Variants in FMN2 observed in about 807,000 individuals in gnomAD.
The protein encoded by FMN2 is formin 2.
A neutral mutation model predicts 142.3 loss-of-function variants in FMN2; 51 were observed. That is an observed-to-expected ratio of 0.36 (90% CI 0.29 to 0.45). The LOEUF (loss-of-function observed/expected upper bound fraction) is 0.45. FMN2 is among the 20% of genes least tolerant of loss of function. The pLI, the probability that FMN2 is intolerant of heterozygous loss-of-function variation, is 1.00. For missense variants in FMN2, 1,936 were observed against 2,122.8 expected, an observed-to-expected ratio of 0.91 and a Z score of 1.73; for synonymous variants, 882 against 869.8, an observed-to-expected ratio of 1.01 and a Z score of -0.25.
rs4659973 is a variant in FMN2 at position 240,473,716 on chromosome 1, T to C, written c.5143-412T>C. Among the ~76,000 whole-genome samples the C allele has an allele frequency of 0.66, 100,994 of 151,956 alleles. 34,545 individuals are homozygous for C. Among genetic ancestry groups the C allele is most frequent in the African/African-American group, 0.84 (34,818 of 41,484 alleles). Reference sequence around the variant, plus strand: ...TTCAGTCTTATAACTGTATTGAATGTGGAGGAATAGTTACTTATTAGTGAA... The same window carrying C: ...TTCAGTCTTATAACTGTATTGAATGCGGAGGAATAGTTACTTATTAGTGAA... On this transcript the variant is annotated intron_variant, in intron 17 of 17. Transcript: ENST00000319653. The surrounding 1 kb of genome is among the most constrained non-coding windows in gnomAD (Gnocchi z 4.3).
chr1:240,435,848 A>G lies in FMN2; in HGVS notation c.4911-2213A>G, dbSNP rs150250202. 9.0e-3 allele frequency among the ~76,000 whole-genome samples: 1,369 copies of G among 152,354 alleles called. 50 individuals carry two copies. The highest frequency in any genetic ancestry group is 0.065 in the Admixed American group (994 of 15,300). Reference sequence around the variant, plus strand: ...GTGAACTAGCTATTGCGACTTACATATGGCTACCCAAACAGGTGGGCTTGC... The same window carrying G: ...GTGAACTAGCTATTGCGACTTACATGTGGCTACCCAAACAGGTGGGCTTGC... On this transcript the variant is annotated intron_variant, in intron 15 of 17. Coordinates refer to ENST00000319653, the MANE Select transcript of FMN2 (RefSeq NM_020066.5).
At chr1:240,137,069 C>CAAA (rs563163509) in intron 2 of FMN2, among the ~76,000 whole-genome samples, 34 of 76,168 alleles carry the variant, frequency 4.5e-4, no homozygotes, top group African/African-American at 1.3e-3. Flanking sequence ...AACTCCGTCT[C>CAAA]AAAAAAAAAA....
At chr1:240,291,697 T>A (rs1176481053) in intron 7 of FMN2, among the ~76,000 whole-genome samples, 1 of 152,198 alleles carries the variant, frequency 6.6e-6, no homozygotes, top group Non-Finnish European at 1.5e-5. Flanking sequence ...ATCATTCAGG[T>A]AAAGGTTCCA....
At chr1:240,227,243 T>A (rs1667341842) in intron 6 of FMN2, among the ~76,000 whole-genome samples, 1 of 152,072 alleles carries the variant, frequency 6.6e-6, no homozygotes, top group South Asian at 2.1e-4. Context: ...GTATGGATTT[T>A]AAAAAAGAAT....
chr1:240,252,260 T>G (rs1031278465), intron 6 of FMN2, among the ~76,000 whole-genome samples: 1 of 152,152 alleles, frequency 6.6e-6, no homozygotes, highest in African/African-American at 2.4e-5. Flanking sequence ...TTTCTTTTTC[T>G]CTTATTGTTC....
intron 8 of FMN2, among the ~76,000 whole-genome samples, chr1:240,299,929 A>C (rs752302935): frequency 6.6e-6 from 1 of 152,198 alleles, no homozygotes; most frequent in Non-Finnish European, 1.5e-5. Context: ...AGTAGGAATA[A>C]GGTGGCGCGC....
chr1:240,306,859 C>A (rs951575797), intron 8 of FMN2, among the ~76,000 whole-genome samples: 6 of 152,210 alleles, frequency 3.9e-5, no homozygotes, highest in Non-Finnish European at 8.8e-5. Flanking sequence ...AGTTTGCATT[C>A]CCACCAACAG....
At chr1:240,363,571 G>A (rs939464469) in intron 14 of FMN2, among the ~76,000 whole-genome samples, 5 of 152,164 alleles carry the variant, frequency 3.3e-5, no homozygotes, top group East Asian at 1.9e-4. Context: ...ATCTTGTCTC[G>A]TGTGCGTGCG....
intron 14 of FMN2, 38 bp from the exon 15 acceptor site, chr1:240,392,470 TATC>T (rs1673636083): frequency 2.6e-6 from 4 of 1,564,168 alleles, no homozygotes; most frequent in South Asian, 1.1e-5. Context: ...TGTAACAACT[TATC>T]ATTTATCTCA....
intron 6 of FMN2, among the ~76,000 whole-genome samples, chr1:240,219,795 T>C (rs1667038955): frequency 6.6e-6 from 1 of 151,876 alleles, no homozygotes; most frequent in African/African-American, 2.4e-5. Context: ...GCTGGGACTC[T>C]AGGTGTGGGC....
intron 6 of FMN2, among the ~76,000 whole-genome samples, chr1:240,228,728 A>T (rs913170685): frequency 6.6e-6 from 1 of 152,178 alleles, no homozygotes; most frequent in Middle Eastern, 3.2e-3. Context: ...AATGATCATG[A>T]TATCAGACTA....
At position 240,329,083 on chromosome 1, in the gene FMN2, A is replaced by T. The variant is rs1371442293; in HGVS notation, c.4223A>T (p.Gln1408Leu). 1 of 1,613,982 alleles carries T rather than the reference A, an allele frequency of 6.2e-7. No homozygotes were observed. The highest frequency in any genetic ancestry group is 1.3e-5 in the African/African-American group (1 of 74,946). Residue 1408 changes from glutamine (Q) to leucine (L), a missense_variant, in exon 9 of 18, where the codon CAG (glutamine) becomes CTG (leucine). Coordinates refer to ENST00000319653, the MANE Select transcript of FMN2 (RefSeq NM_020066.5). ...TLQALYENRA[Q>L]SDELEKIEKH... ...TGGTTTTTGTTTTTCTAGAGAGCAC[A>T]GTCAGACGAACTCGAAAAAATAGAA...
chr1:240,131,289 G>A (rs1188342697), intron 2 of FMN2, among the ~76,000 whole-genome samples: 1 of 152,180 alleles, frequency 6.6e-6, no homozygotes, highest in Admixed American at 6.5e-5. Flanking sequence ...TCCAAGTGGA[G>A]ATATTTATAG....
chr1:240,112,417 A>G (rs1661848076), intron 1 of FMN2, among the ~76,000 whole-genome samples: 1 of 152,136 alleles, frequency 6.6e-6, no homozygotes, highest in African/African-American at 2.4e-5. Context: ...GGCGTGAGCC[A>G]CTGCATCTGG....
chr1:240,187,094 G>A (rs189221928), intron 3 of FMN2, among the ~76,000 whole-genome samples: 23 of 140,562 alleles, frequency 1.6e-4, no homozygotes, highest in Middle Eastern at 3.8e-3. Context: ...GTGAAACCCC[G>A]TCTGTACCAA....
intron 15 of FMN2, among the ~76,000 whole-genome samples, chr1:240,398,611 A>T (rs1673871555): frequency 6.6e-6 from 1 of 152,344 alleles, no homozygotes; most frequent in Non-Finnish European, 1.5e-5. Context: ...CGAAGAAATA[A>T]GTCTGTGTGC....
At chr1:240,324,928 G>A (rs1047565392) in intron 8 of FMN2, among the ~76,000 whole-genome samples, 1 of 152,114 alleles carries the variant, frequency 6.6e-6, no homozygotes. Flanking sequence ...ATTCTAAGAT[G>A]CGTCAAAAGC....
At chr1:240,216,154 C>T (rs1666886886) in intron 6 of FMN2, among the ~76,000 whole-genome samples, 1 of 152,140 alleles carries the variant, frequency 6.6e-6, no homozygotes, top group Non-Finnish European at 1.5e-5. Flanking sequence ...GCTTGTGTGG[C>T]ATATAAATAG....
intron 3 of FMN2, among the ~76,000 whole-genome samples, chr1:240,184,424 C>T (rs978996262): frequency 1.3e-5 from 2 of 150,528 alleles, no homozygotes; most frequent in Admixed American, 1.3e-4. Context: ...TTAGTAGAGA[C>T]GGGGTTTCAC....
Sources: allele counts gnomAD v4.1 joint callset (sites outside exome capture counted in the v4.1 genomes callset), GRCh38; gene constraint gnomAD v4.1.1; non-coding constraint Gnocchi (gnomAD v3.1); transcripts MANE v1.5; gene names NCBI Gene and HGNC (gene_info 2026-07-23, HGNC 2026-07-21).